The following CLDN16 variants were observed in gnomAD, a reference collection of about 807,000 sequenced individuals.
The protein encoded by CLDN16 is claudin-16.
In CLDN16, 13 loss-of-function variants were observed where a neutral mutation model predicts 24.6. The observed-to-expected ratio is 0.53, with a 90% CI of 0.34 to 0.84. CLDN16 has a LOEUF of 0.84. CLDN16 is among the 40% of genes least tolerant of loss of function. The pLI is 0.01. For synonymous variants in CLDN16, 116 were observed against 106.7 expected, an observed-to-expected ratio of 1.09 and a Z score of -0.54; for missense variants, 298 against 292.7, an observed-to-expected ratio of 1.02 and a Z score of -0.13.
chr3:190,309,160 G>A, the CLDN16 span, among the ~76,000 whole-genome samples: 7 of 152,152 alleles, frequency 4.6e-5, no homozygotes, highest in Non-Finnish European at 1.5e-5. Context: ...TACTCTCAAA[G>A]CAGGATAATC....
At chr3:190,316,653 G>A in the CLDN16 span, among the ~76,000 whole-genome samples, 1 of 152,088 alleles carries the variant, frequency 6.6e-6, no homozygotes, top group Non-Finnish European at 1.5e-5. Flanking sequence ...ATGAACTCCT[G>A]GATGATTTGA....
intron 1 of CLDN16, among the ~76,000 whole-genome samples, chr3:190,396,769 C>T (rs535468847): frequency 5.7e-4 from 87 of 152,170 alleles, no homozygotes; most frequent in African/African-American, 1.9e-3. Context: ...GTGATAAATG[C>T]CAGCTAGAGA....
intron 1 of CLDN16, among the ~76,000 whole-genome samples, chr3:190,396,666 C>G (rs568061513): frequency 6.6e-6 from 1 of 152,208 alleles, no homozygotes; most frequent in South Asian, 2.1e-4. Context: ...TGAAGAATAA[C>G]AGATGACCTA....
chr3:190,314,562 A>AT, the CLDN16 span, among the ~76,000 whole-genome samples: 381 of 143,774 alleles, frequency 2.6e-3, no homozygotes, highest in Middle Eastern at 7.1e-3. Flanking sequence ...GCCTGGCTAA[A>AT]TTTTTTTTTT....
At chr3:190,291,459 A>T in the CLDN16 span, among the ~76,000 whole-genome samples, 1 of 152,008 alleles carries the variant, frequency 6.6e-6, no homozygotes, top group African/African-American at 2.4e-5. Context: ...CCCCTATGAA[A>T]CCATCAGATC....
chr3:190,292,302 G>A, the CLDN16 span, among the ~76,000 whole-genome samples: 3 of 152,252 alleles, frequency 2.0e-5, no homozygotes, highest in Admixed American at 6.5e-5. Flanking sequence ...AGTCACCAAG[G>A]CTTGGGACTT....
At chr3:190,391,285 T>C (rs1718658462) in intron 1 of CLDN16, among the ~76,000 whole-genome samples, 1 of 151,222 alleles carries the variant, frequency 6.6e-6, no homozygotes. Flanking sequence ...TTCAATTCAG[T>C]ATAAAAATAT....
At chr3:190,346,591 A>G (rs971720082) in intron 1 of CLDN16, among the ~76,000 whole-genome samples, 3 of 152,204 alleles carry the variant, frequency 2.0e-5, no homozygotes, top group Non-Finnish European at 4.4e-5. Context: ...GTGGCAACAA[A>G]TTACCACAAA....
intron 1 of CLDN16, among the ~76,000 whole-genome samples, chr3:190,400,952 A>G (rs548681038): frequency 6.6e-6 from 1 of 152,306 alleles, no homozygotes; most frequent in Non-Finnish European, 1.5e-5. Context: ...GGGGTTACTT[A>G]ACTTTCCTGT....
At chr3:190,355,289 A>T (rs1396618083) in intron 1 of CLDN16, among the ~76,000 whole-genome samples, 1 of 151,794 alleles carries the variant, frequency 6.6e-6, no homozygotes, top group East Asian at 1.9e-4. Flanking sequence ...TGTTTTTTTA[A>T]TATATTCTAA....
At chr3:190,371,726 G>A (rs76216067) in intron 2 of CLDN16, among the ~76,000 whole-genome samples, 7,209 of 152,052 alleles carry the variant, frequency 0.047, 419 homozygotes, top group African/African-American at 0.14. Context: ...ATTTGTTGAA[G>A]CAGTTCATTA....
chr3:190,296,811 A>G, the CLDN16 span, among the ~76,000 whole-genome samples: 1 of 152,048 alleles, frequency 6.6e-6, no homozygotes, highest in Non-Finnish European at 1.5e-5. Flanking sequence ...TGGCCTCCCA[A>G]AGTGCTGGGA....
intron 3 of CLDN16, among the ~76,000 whole-genome samples, chr3:190,378,387 G>A (rs1560091102): frequency 6.6e-6 from 1 of 151,954 alleles, no homozygotes; most frequent in Non-Finnish European, 1.5e-5. Context: ...TAGAGAACAG[G>A]ATATACAGTA....
At chr3:190,322,368 G>T (rs149860750), upstream of CLDN16, 1,261 of 694,396 alleles carry the variant, frequency 1.8e-3, 11 homozygotes, top group African/African-American at 0.02. Context: ...TCTGGGTCGG[G>T]GTTGGGGTCC....
chr3:190,408,623 T>G, intron 4 of CLDN16, 118 bp downstream of exon 4: 1 of 951,096 alleles, frequency 1.1e-6, no homozygotes, highest in Non-Finnish European at 1.6e-6. Flanking sequence ...CCTATTGCCA[T>G]TAAAAATTCC....
At chr3:190,329,294 G>A (rs1717134183) in intron 1 of CLDN16, among the ~76,000 whole-genome samples, 1 of 152,098 alleles carries the variant, frequency 6.6e-6, no homozygotes, top group Non-Finnish European at 1.5e-5. Context: ...ACCTTTATGT[G>A]ATTTCATATC....
intron 1 of CLDN16, among the ~76,000 whole-genome samples, chr3:190,393,035 G>T (rs2108661835): frequency 6.6e-6 from 1 of 152,262 alleles, no homozygotes; most frequent in African/African-American, 2.4e-5. Context: ...CTGTACTTCA[G>T]TGACAGCAAG....
chr3:190,326,432 C>T (rs1175185347), intron 1 of CLDN16, among the ~76,000 whole-genome samples: 1 of 152,186 alleles, frequency 6.6e-6, no homozygotes, highest in Non-Finnish European at 1.5e-5. Flanking sequence ...GAGAAGGCAG[C>T]AATGGCAGGG....
upstream of CLDN16, chr3:190,322,287 C>T: frequency 5.5e-6 from 7 of 1,269,358 alleles, no homozygotes; most frequent in Non-Finnish European, 7.9e-6. Context: ...CCCGGACTCC[C>T]GAAGGTGGCT....
Sources: allele counts gnomAD v4.1 joint callset (sites outside exome capture counted in the v4.1 genomes callset), GRCh38; gene constraint gnomAD v4.1.1; transcripts MANE v1.5; gene names NCBI Gene and HGNC (gene_info 2026-07-23, HGNC 2026-07-21).